The following MALRD1 variants were observed in gnomAD, a reference collection of about 807,000 sequenced individuals.
MALRD1 encodes the protein MAM and LDL-receptor class A domain-containing protein 1.
MALRD1 carries 247 observed loss-of-function variants against 242.1 expected under a neutral mutation model. That is an observed-to-expected ratio of 1.02 (90% confidence interval 0.92 to 1.13). MALRD1 has a LOEUF of 1.13. MALRD1 is among the 50% of genes most tolerant of loss of function. The pLI is 0.00. For synonymous variants in MALRD1, 995 were observed against 866.6 expected (o/e 1.15, Z -2.60); for missense variants, 2,989 against 2,533.1 (o/e 1.18, Z -3.86).
intron 18 of MALRD1, among the ~76,000 whole-genome samples, chr10:19,243,175 C>G (rs1427135382): frequency 6.6e-6 from 1 of 151,260 alleles, no homozygotes; most frequent in Non-Finnish European, 1.5e-5. Flanking sequence ...AACAACTTAA[C>G]TTCTGTCACA....
intron 33 of MALRD1, among the ~76,000 whole-genome samples, chr10:19,572,893 G>C (rs892990461): frequency 6.6e-6 from 1 of 152,140 alleles, no homozygotes; most frequent in Non-Finnish European, 1.5e-5. Context: ...TCTTCAGAGA[G>C]AGCAGGGCTC....
chr10:19,244,061 C>T (rs978207884), intron 18 of MALRD1, among the ~76,000 whole-genome samples: 3 of 152,126 alleles, frequency 2.0e-5, no homozygotes, highest in Non-Finnish European at 4.4e-5. Flanking sequence ...TATGATATGA[C>T]TTTTCATACT....
chr10:19,597,340 A>C (rs536154199), intron 34 of MALRD1, among the ~76,000 whole-genome samples: 1 of 152,336 alleles, frequency 6.6e-6, no homozygotes, highest in East Asian at 1.9e-4. Flanking sequence ...AAGCTTAGGA[A>C]GGTACTGTGT....
intron 28 of MALRD1, among the ~76,000 whole-genome samples, chr10:19,420,336 G>A (rs1444203891): frequency 6.6e-6 from 1 of 152,138 alleles, no homozygotes; most frequent in Non-Finnish European, 1.5e-5. Flanking sequence ...ATCGAAAAAC[G>A]TTGCTGTATG....
intron 14 of MALRD1, among the ~76,000 whole-genome samples, chr10:19,177,273 C>G (rs953281339): frequency 7.3e-6 from 1 of 136,176 alleles, no homozygotes; most frequent in African/African-American, 2.7e-5. Flanking sequence ...GAGCAAGATT[C>G]CTCTCAAAAA....
intron 28 of MALRD1, among the ~76,000 whole-genome samples, chr10:19,399,997 A>G (rs1000145811): frequency 9.2e-5 from 14 of 152,182 alleles, no homozygotes; most frequent in African/African-American, 3.4e-4. Flanking sequence ...CCTTTAATTT[A>G]GGATTACAAC....
intron 36 of MALRD1, among the ~76,000 whole-genome samples, chr10:19,618,706 AC>A (rs1264440392): frequency 6.6e-6 from 1 of 151,530 alleles, no homozygotes; most frequent in Non-Finnish European, 1.5e-5. Context: ...TAAATTTGAA[AC>A]CCCTTGTATT....
In MALRD1 at chr10:19,531,194, G is replaced by T; in HGVS notation, c.5321G>T (p.Gly1774Val). ...ALIPDSDHTP[G>V]SGQHFLYVNS... is the part of the protein sequence containing the mutation. ...AAAAATTTTGTTAATCTATTTCAAG[G>T]TAGTGGTCAGCACTTCCTGTACGTC... The change falls in exon 32 of 40, where the codon GGT becomes GTT. Residue 1774 changes from glycine to valine, a missense_variant and splice_region_variant. Gly to Val is a moderately radical substitution (Grantham distance 109, BLOSUM62 -3). Transcript: ENST00000454679. The T allele has an allele frequency of 6.5e-7, 1 of 1,544,620 alleles. No homozygotes were observed. Among genetic ancestry groups the T allele is most frequent in the Non-Finnish European group, 8.7e-7 (1 of 1,143,382 alleles).
At chr10:19,450,545 T>G in intron 29 of MALRD1, 55 bp downstream of exon 29, 1 of 1,426,848 alleles carries the variant, frequency 7.0e-7, no homozygotes, top group Non-Finnish European at 9.5e-7. Context: ...CTAGCCATTT[T>G]ATTTTTGTTA....
At chr10:19,696,785 A>G (rs1158203932) in intron 38 of MALRD1, among the ~76,000 whole-genome samples, 1 of 151,938 alleles carries the variant, frequency 6.6e-6, no homozygotes, top group South Asian at 2.1e-4. Flanking sequence ...GTGTGTTGGC[A>G]TATGCCTGTA....
At chr10:19,236,039 A>T (rs892041939) in intron 18 of MALRD1, among the ~76,000 whole-genome samples, 9 of 152,216 alleles carry the variant, frequency 5.9e-5, no homozygotes, top group African/African-American at 2.2e-4. Flanking sequence ...CAAAGGAAGA[A>T]TGATTTAGTT....
At chr10:19,476,992 C>G (rs1836769248) in intron 29 of MALRD1, among the ~76,000 whole-genome samples, 1 of 152,090 alleles carries the variant, frequency 6.6e-6, no homozygotes, top group Admixed American at 6.5e-5. Flanking sequence ...ATTCCAACAT[C>G]TCATTTTTTA....
intron 24 of MALRD1, 36 bp from the exon 25 acceptor site, chr10:19,347,735 C>T (rs1452318619): frequency 3.2e-6 from 5 of 1,544,602 alleles, no homozygotes; most frequent in African/African-American, 1.4e-5. Flanking sequence ...GGCAAATTTC[C>T]ATTTTCTGTA....
chr10:19,056,190 T>C (rs1055518582), intron 1 of MALRD1, among the ~76,000 whole-genome samples: 9 of 152,174 alleles, frequency 5.9e-5, no homozygotes, highest in South Asian at 2.1e-4. Flanking sequence ...TTTTGTGATT[T>C]CATATGGATT....
intron 29 of MALRD1, among the ~76,000 whole-genome samples, chr10:19,464,931 G>A (rs1300397720): frequency 7.1e-6 from 1 of 139,982 alleles, no homozygotes; most frequent in Non-Finnish European, 1.5e-5. Flanking sequence ...TCACCTCCTT[G>A]GTTAGGTATA....
chr10:19,266,454 C>G (rs2131834233), intron 19 of MALRD1, among the ~76,000 whole-genome samples: 1 of 151,970 alleles, frequency 6.6e-6, no homozygotes, highest in East Asian at 1.9e-4. Context: ...TCATTTTAAG[C>G]TGATAAAAAC....
intron 33 of MALRD1, among the ~76,000 whole-genome samples, chr10:19,589,208 T>C (rs1448066299): frequency 1.3e-5 from 2 of 152,128 alleles, no homozygotes; most frequent in East Asian, 3.9e-4. Flanking sequence ...GGTGGATAGA[T>C]AGATAGATAG....
intron 24 of MALRD1, among the ~76,000 whole-genome samples, chr10:19,340,349 T>TG (rs1257343368): frequency 6.6e-6 from 1 of 151,834 alleles, no homozygotes; most frequent in African/African-American, 2.4e-5. Flanking sequence ...GTGCTAACTT[T>TG]TTTTTTTTTG....
intron 36 of MALRD1, among the ~76,000 whole-genome samples, chr10:19,637,119 T>C (rs963918325): frequency 4.6e-5 from 7 of 152,124 alleles, no homozygotes; most frequent in African/African-American, 1.7e-4. Flanking sequence ...ACTTGATAAG[T>C]TTACTTTTTC....
Sources: allele counts gnomAD v4.1 joint callset (sites outside exome capture counted in the v4.1 genomes callset), GRCh38; gene constraint gnomAD v4.1.1; transcripts MANE v1.5; gene names NCBI Gene and HGNC (gene_info 2026-07-23, HGNC 2026-07-21).